The following C8orf34 variants were observed in gnomAD, a reference collection of about 807,000 sequenced individuals.
C8orf34 encodes chromosome 8 open reading frame 34.
Under a neutral mutation model 68.3 loss-of-function variants are expected in C8orf34, and 65 were observed. The ratio of observed to expected loss-of-function variants is 0.95; its 90% CI spans 0.78 to 1.17. The LOEUF (loss-of-function observed/expected upper bound fraction) is 1.17, where lower values mean the gene tolerates loss of function less well. C8orf34 is among the 50% of genes most tolerant of loss of function. The pLI, the probability that C8orf34 is intolerant of heterozygous loss-of-function variation, is 0.00. For missense variants in C8orf34, 664 were observed against 655.4 expected (o/e 1.01, Z -0.14); for synonymous variants, 244 against 241.2 (o/e 1.01, Z -0.11).
At chr8:68,420,854 G>T (rs900915495) in intron 1 of C8orf34, among the ~76,000 whole-genome samples, 6 of 149,542 alleles carry the variant, frequency 4.0e-5, no homozygotes, top group Admixed American at 4.0e-4. Flanking sequence ...TCAGAATGAA[G>T]CAGATAGAAA....
Position 68,444,197 on chromosome 8 carries a change from A to G in C8orf34, c.476-2132A>G, listed in dbSNP as rs137864564. Among the ~76,000 whole-genome samples the G allele has an allele frequency of 2.2e-3, 328 of 152,206 alleles. 1 individual carries two copies. Among genetic ancestry groups the G allele is most frequent in the African/African-American group, 7.1e-3 (295 of 41,554 alleles). On this transcript the variant is annotated intron_variant, in intron 2 of 13. Transcript: ENST00000518698. ...TCTGGCTTTGAATGCAAATTTAAAT[A>G]TTGGTATTGCATTTTAGTTTCCTGT...
chr8:68,511,420 T>C (rs1304297371), intron 5 of C8orf34, among the ~76,000 whole-genome samples: 1 of 151,672 alleles, frequency 6.6e-6, no homozygotes, highest in Non-Finnish European at 1.5e-5. Context: ...CTAGTTGGAG[T>C]GGGGGCAGTG....
intron 12 of C8orf34, among the ~76,000 whole-genome samples, chr8:68,810,583 G>C (rs1389332631): frequency 6.6e-6 from 1 of 152,174 alleles, no homozygotes; most frequent in African/African-American, 2.4e-5. Context: ...AGCTCTTTCA[G>C]TCCTGCTGTT....
chr8:68,492,793 G>A (rs1408786162), intron 5 of C8orf34, among the ~76,000 whole-genome samples: 2 of 151,808 alleles, frequency 1.3e-5, no homozygotes, highest in Admixed American at 6.6e-5. Flanking sequence ...CTCACCCACC[G>A]AGATCCTTTA....
intron 6 of C8orf34, among the ~76,000 whole-genome samples, chr8:68,530,144 T>G (rs1815182724): frequency 1.3e-5 from 2 of 152,100 alleles, no homozygotes; most frequent in Non-Finnish European, 2.9e-5. Flanking sequence ...TTTAATTGAT[T>G]TATTAAACAG....
At chr8:68,654,468 C>T (rs756768512) in intron 8 of C8orf34, among the ~76,000 whole-genome samples, 1 of 152,144 alleles carries the variant, frequency 6.6e-6, no homozygotes, top group Non-Finnish European at 1.5e-5. Flanking sequence ...CTTTCCTCCT[C>T]TAGATAAAAG....
intron 1 of C8orf34, among the ~76,000 whole-genome samples, chr8:68,335,435 A>C (rs1805810391): frequency 6.6e-6 from 1 of 152,156 alleles, no homozygotes; most frequent in African/African-American, 2.4e-5. Context: ...CCAGTGCTCA[A>C]AGTTATGAAG....
intron 5 of C8orf34, among the ~76,000 whole-genome samples, chr8:68,494,575 T>G (rs11995081): frequency 0.39 from 58,623 of 151,954 alleles, 11,639 homozygotes; most frequent in African/African-American, 0.45. Context: ...AGTCTTTTAG[T>G]CTGGGTGCAG....
chr8:68,479,066 G>T (rs1285599672), intron 4 of C8orf34, among the ~76,000 whole-genome samples: 1 of 152,000 alleles, frequency 6.6e-6, no homozygotes, highest in Non-Finnish European at 1.5e-5. Context: ...AAATATAAAG[G>T]GTGTATATTT....
At chr8:68,816,629 G>A (rs559240834) in intron 13 of C8orf34, among the ~76,000 whole-genome samples, 5 of 152,108 alleles carry the variant, frequency 3.3e-5, no homozygotes, top group Non-Finnish European at 7.4e-5. Flanking sequence ...GTAATGGGGA[G>A]TTTACTGTTA....
intron 7 of C8orf34, among the ~76,000 whole-genome samples, chr8:68,601,518 G>C (rs1033585073): frequency 6.6e-6 from 1 of 151,870 alleles, no homozygotes; most frequent in African/African-American, 2.4e-5. Flanking sequence ...AATCCATCCT[G>C]TAAGTTTTTA....
At chr8:68,503,221 T>G (rs974000786) in intron 5 of C8orf34, among the ~76,000 whole-genome samples, 1 of 152,230 alleles carries the variant, frequency 6.6e-6, no homozygotes, top group Admixed American at 6.5e-5. Context: ...ATTGGAAAAC[T>G]AATTAAATAT....
At chr8:68,492,177 T>A (rs1447949915) in intron 5 of C8orf34, among the ~76,000 whole-genome samples, 1 of 152,202 alleles carries the variant, frequency 6.6e-6, no homozygotes, top group African/African-American at 2.4e-5. Flanking sequence ...TTCTTGACTC[T>A]CTAGTATCTA....
At chr8:68,770,157 C>A (rs1002349626) in intron 10 of C8orf34, among the ~76,000 whole-genome samples, 11 of 152,188 alleles carry the variant, frequency 7.2e-5, no homozygotes, top group African/African-American at 2.7e-4. Flanking sequence ...TTGCCAAAAT[C>A]TTTCAAGTTT....
intron 7 of C8orf34, among the ~76,000 whole-genome samples, chr8:68,567,261 C>G (rs1214630879): frequency 6.6e-6 from 1 of 151,760 alleles, no homozygotes; most frequent in Non-Finnish European, 1.5e-5. Flanking sequence ...TGGTGCTGGA[C>G]TTTTTTTTGT....
At chr8:68,653,894 C>T (rs1819436079) in intron 8 of C8orf34, among the ~76,000 whole-genome samples, 1 of 151,882 alleles carries the variant, frequency 6.6e-6, no homozygotes, top group Non-Finnish European at 1.5e-5. Context: ...AGAGAAGGGC[C>T]TGATTTTAAA....
chr8:68,709,236 G>T (rs1464569010), intron 9 of C8orf34, among the ~76,000 whole-genome samples, 157 bp downstream of exon 9: 1 of 152,180 alleles, frequency 6.6e-6, no homozygotes, highest in Non-Finnish European at 1.5e-5. Flanking sequence ...GGGGCTGTTT[G>T]TGTCAGGATA....
chr8:68,707,751 A>T (rs1821211807), intron 8 of C8orf34, among the ~76,000 whole-genome samples: 1 of 151,940 alleles, frequency 6.6e-6, no homozygotes, highest in Admixed American at 6.6e-5. Flanking sequence ...TAGGGTTTTA[A>T]CTTAATGTTA....
At chr8:68,580,201 C>T (rs1239683539) in intron 7 of C8orf34, among the ~76,000 whole-genome samples, 3 of 151,886 alleles carry the variant, frequency 2.0e-5, no homozygotes, top group African/African-American at 7.3e-5. Flanking sequence ...CATTTCTCTT[C>T]TTAAATAGAG....
Sources: allele counts gnomAD v4.1 joint callset (sites outside exome capture counted in the v4.1 genomes callset), GRCh38; gene constraint gnomAD v4.1.1; transcripts MANE v1.5; gene names NCBI Gene and HGNC (gene_info 2026-07-23, HGNC 2026-07-21).